Variants in PLD3 observed in about 807,000 individuals in gnomAD.
PLD3 encodes 5'-3' exonuclease PLD3.
PLD3 carries 31 observed loss-of-function variants against 58.4 expected under a neutral mutation model. The observed-to-expected ratio is 0.53, with a 90% confidence interval of 0.40 to 0.72. The LOEUF (loss-of-function observed/expected upper bound fraction) is 0.72, where lower values mean the gene tolerates loss of function less well. Ranked by LOEUF, PLD3 falls within the 30% of genes least tolerant of loss-of-function variation. PLD3 has a pLI of 0.00. For missense variants in PLD3, 595 were observed against 659.8 expected, an observed-to-expected ratio of 0.90 and a Z score of 1.08; for synonymous variants, 264 against 273.4, an observed-to-expected ratio of 0.97 and a Z score of 0.34.
intron 1 of PLD3, among the ~76,000 whole-genome samples, chr19:40,361,658 C>T (rs749406622): frequency 2.0e-5 from 3 of 152,076 alleles, no homozygotes; most frequent in Non-Finnish European, 4.4e-5. Flanking sequence ...ATCATTTTTC[C>T]CACAGATGTC....
chr19:40,349,818 C>A (rs571817967), intron 1 of PLD3, among the ~76,000 whole-genome samples: 1 of 150,216 alleles, frequency 6.7e-6, no homozygotes, highest in Admixed American at 6.7e-5. Flanking sequence ...ATTAGCCGGG[C>A]GTGGTGGTGC....
At chr19:40,351,861 C>T (rs1292746780) in intron 1 of PLD3, among the ~76,000 whole-genome samples, 1 of 152,114 alleles carries the variant, frequency 6.6e-6, no homozygotes, top group African/African-American at 2.4e-5. Context: ...GTGGCAGCTC[C>T]AGAACTTCTA....
At chr19:40,359,113 C>T (rs1425004550) in intron 1 of PLD3, 1 of 152,758 alleles carries the variant, frequency 6.5e-6, no homozygotes, top group African/African-American at 2.4e-5. Context: ...TACAATGGCG[C>T]AATCTTGGCT....
Position 40,371,738 on chromosome 19 carries a change from T to C in PLD3, c.744T>C (p.Phe248=), listed in dbSNP as rs779568033. 5 of 1,613,948 alleles carry C rather than the reference T, an allele frequency of 3.1e-6. No individual in the cohort carries two copies. The highest frequency in any genetic ancestry group is 4.2e-6 in the Non-Finnish European group (5 of 1,179,976). ...TGGCTCGAGACCTGACCAAGATCTT[T>C]GAGGCCTACTGGTTCCTGGGCCAGG... ...SCLARDLTKI[F]EAYWFLGQAG... The change falls in exon 9 of 13, where the codon TTT becomes TTC. Residue 248 remains phenylalanine (F), a synonymous_variant. Transcript: ENST00000409735.
At chr19:40,351,635 A>G (rs957211640) in intron 1 of PLD3, among the ~76,000 whole-genome samples, 2 of 152,218 alleles carry the variant, frequency 1.3e-5, no homozygotes, top group African/African-American at 4.8e-5. Flanking sequence ...GTCTTGCGGT[A>G]GGAGCAAGCT....
chr19:40,349,211 C>G (rs554366382), intron 1 of PLD3, among the ~76,000 whole-genome samples: 1 of 152,208 alleles, frequency 6.6e-6, no homozygotes, highest in South Asian at 2.1e-4. Flanking sequence ...ACCCCCAAGT[C>G]ACCTTCGCAT....
At chr19:40,351,920 T>C (rs1333213588) in intron 1 of PLD3, among the ~76,000 whole-genome samples, 1 of 152,106 alleles carries the variant, frequency 6.6e-6, no homozygotes, top group African/African-American at 2.4e-5. Context: ...AGAGCCAGAA[T>C]CTTCTTCAGT....
Position 40,367,819 on chromosome 19 carries a change from C to T in PLD3, c.369C>T (p.Ala123=). 2 of 1,597,204 alleles carry T rather than the reference C, an allele frequency of 1.3e-6. No homozygotes were observed. The highest frequency in any genetic ancestry group is 1.7e-6 in the Non-Finnish European group (2 of 1,172,742). The change falls in exon 6 of 13, where the codon GCC becomes GCT. Residue 123 remains alanine (A), a synonymous_variant. Coordinates refer to ENST00000409735, the MANE Select transcript of PLD3 (RefSeq NM_012268.4). Reference sequence around the variant, plus strand: ...GTGCGCACAGCAGCCTGGACATCGCCTCCTTCTACTGGACCCTCACCAACA... The same window carrying T: ...GTGCGCACAGCAGCCTGGACATCGCTTCCTTCTACTGGACCCTCACCAACA... The part of the protein sequence containing the change: ...LAGAHSSLDI[A]SFYWTLTNND...
In PLD3 at chr19:40,361,548, C is replaced by T. The variant is rs76279286; in HGVS notation, c.-278-4170C>T. On this transcript the variant is annotated intron_variant, in intron 1 of 12. Coordinates refer to ENST00000409735, the MANE Select transcript of PLD3 (RefSeq NM_012268.4). ...GGCCCTATCACCTCTGTGACATCTC[C>T]TCTCCCACTCCCCCCAGCCCACTTC... 3.3e-4 allele frequency among the ~76,000 whole-genome samples: 51 copies of T among 152,282 alleles called. 1 individual carries two copies. In the East Asian group the frequency reaches 8.9e-3, roughly 27 times the overall value.
intron 1 of PLD3, chr19:40,356,189 A>G (rs1377665946): frequency 4.6e-5 from 7 of 152,400 alleles, no homozygotes. Flanking sequence ...AAGGAACTGA[A>G]AGATCATAAA....
Position 40,376,618 on chromosome 19 carries a change from T to C in PLD3, c.1029T>C (p.Pro343=). The change falls in exon 11 of 13, where the codon CCT becomes CCC. Residue 343 remains proline, a synonymous_variant. Transcript: ENST00000409735. ...ATACACCCGTCCTCAGGTTCTGGCC[T>C]GCCATTGACGATGGGCTGCGGCGGG... ...LEFSHPHRFW[P]AIDDGLRRAT... is the part of the protein sequence containing the mutation. 1 of 1,609,854 alleles carries C rather than the reference T, an allele frequency of 6.2e-7. No homozygotes were observed. The highest frequency in any genetic ancestry group is 8.5e-7 in the Non-Finnish European group (1 of 1,179,868).
chr19:40,351,746 C>G (rs2078520985), intron 1 of PLD3, among the ~76,000 whole-genome samples: 1 of 152,136 alleles, frequency 6.6e-6, no homozygotes, highest in Non-Finnish European at 1.5e-5. Flanking sequence ...CCTTGTGAGC[C>G]ATGCAGAAGG....
rs1290021696 is a variant in PLD3, at chr19:40,367,778, C to A, written c.328C>A (p.Leu110Met). Residue 110 changes from leucine (L) to methionine (M), a missense_variant, in exon 6 of 13, where the codon CTG becomes ATG. Leu to Met is a conservative substitution (Grantham distance 15, BLOSUM62 2). Transcript: ENST00000409735. ...GAACCCTTCCACCAGCCAGGCCTGG[C>A]TGGGCCTGCTCGCCGGTGCGCACAG... is the stretch of plus-strand genomic sequence containing the variant. ...TGNPSTSQAW[L>M]GLLAGAHSSL... The A allele has an allele frequency of 1.2e-5, 19 of 1,613,236 alleles. No individual in the cohort carries two copies. The highest frequency in any genetic ancestry group is 1.6e-5 in the Non-Finnish European group (19 of 1,179,800).
intron 3 of PLD3, 40 bp from the exon 4 acceptor site, chr19:40,366,570 A>C: frequency 1.3e-6 from 2 of 1,587,428 alleles, no homozygotes; most frequent in South Asian, 1.1e-5. Context: ...GGGGGTTCCC[A>C]AGAGCCACCT....
chr19:40,363,053 C>T (rs777054438), intron 1 of PLD3, among the ~76,000 whole-genome samples: 7 of 152,110 alleles, frequency 4.6e-5, no homozygotes, highest in Non-Finnish European at 1.0e-4. Flanking sequence ...GTGTGAGCCA[C>T]GGTGCCAGGC....
intron 1 of PLD3, among the ~76,000 whole-genome samples, chr19:40,354,378 TTTTA>T (rs923608512): frequency 1.3e-5 from 2 of 151,644 alleles, no homozygotes; most frequent in African/African-American, 4.8e-5. Flanking sequence ...GGCCTAGGCT[TTTTA>T]TTTTTCTGTA....
intron 1 of PLD3, chr19:40,355,880 A>G (rs1273227735): frequency 6.6e-6 from 1 of 152,106 alleles, no homozygotes; most frequent in Non-Finnish European, 1.5e-5. Flanking sequence ...CCAGCTAATC[A>G]CAGCACTGAT....
rs1198846736 is a variant in PLD3 at position 40,365,780 on chromosome 19, G to T, written c.-216G>T. On this transcript the variant is annotated 5_prime_UTR_variant, in exon 2 of 13. Transcript: ENST00000409735. The stretch of plus-strand genomic sequence containing the variant: ...CTCGCTGCGGTGAGCCCGGACTGGG[G>T]CACGCACTGCGCAGACTCCCCGCTG... 6.5e-6 allele frequency: 1 copy of T among 153,080 alleles called. No homozygotes were observed. The highest frequency in any genetic ancestry group is 1.5e-5 in the Non-Finnish European group (1 of 68,622). 9.5% of individuals were successfully genotyped at this position (153,080 alleles called of 1,614,324 possible).
At chr19:40,354,417 C>T (rs1256326832) in intron 1 of PLD3, among the ~76,000 whole-genome samples, 2 of 152,054 alleles carry the variant, frequency 1.3e-5, no homozygotes, top group African/African-American at 4.8e-5. Context: ...CTTTGTTGCC[C>T]AGGCTGCCCA....
Sources: allele counts gnomAD v4.1 joint callset (sites outside exome capture counted in the v4.1 genomes callset), GRCh38; gene constraint gnomAD v4.1.1; transcripts MANE v1.5; gene names NCBI Gene and HGNC (gene_info 2026-07-23, HGNC 2026-07-21).